Variants in CSMD1 observed in about 807,000 individuals in gnomAD.
CSMD1 encodes CUB and sushi domain-containing protein 1.
In CSMD1, 213 loss-of-function variants were observed where a neutral mutation model predicts 417.5. The observed-to-expected ratio is 0.51, with a 90% CI of 0.46 to 0.57. The LOEUF (loss-of-function observed/expected upper bound fraction) is 0.57, where lower values mean the gene tolerates loss of function less well. Ranked by LOEUF, CSMD1 falls within the 20% of genes least tolerant of loss-of-function variation. The pLI is 0.00. For missense variants in CSMD1, 6,923 were observed against 4,529.7 expected, an observed-to-expected ratio of 1.53 and a Z score of -15.17; for synonymous variants, 2,862 against 1,736.8, an observed-to-expected ratio of 1.65 and a Z score of -16.11.
chr8:3,416,302 C>CAAAA (rs11358404), intron 12 of CSMD1, among the ~76,000 whole-genome samples: 29 of 58,890 alleles, frequency 4.9e-4, no homozygotes, highest in South Asian at 2.6e-3. Context: ...GACTCCGTCT[C>CAAAA]AAAAAAAAAA....
chr8:3,631,450 A>G (rs960783969), intron 7 of CSMD1, among the ~76,000 whole-genome samples: 2 of 152,234 alleles, frequency 1.3e-5, no homozygotes, highest in African/African-American at 4.8e-5. Flanking sequence ...TTTGAGGTCA[A>G]GAATAGGCAG....
At chr8:4,095,727 T>C (rs1480549220) in intron 3 of CSMD1, among the ~76,000 whole-genome samples, 1 of 152,222 alleles carries the variant, frequency 6.6e-6, no homozygotes, top group East Asian at 1.9e-4. Flanking sequence ...TTCAATTTGT[T>C]CAAGTCACGT....
chr8:3,198,098 T>A (rs1202648293), intron 33 of CSMD1, among the ~76,000 whole-genome samples: 3 of 152,208 alleles, frequency 2.0e-5, no homozygotes, highest in Non-Finnish European at 4.4e-5. Flanking sequence ...ATCTTTGACA[T>A]TTTGATGAAA....
chr8:4,864,901 C>CAA (rs1802339283), intron 1 of CSMD1, among the ~76,000 whole-genome samples: 2 of 149,028 alleles, frequency 1.3e-5, no homozygotes, highest in South Asian at 2.1e-4. Context: ...CACACAAACA[C>CAA]ACACACACAC....
chr8:3,243,232 G>C (rs1799658825), intron 26 of CSMD1, among the ~76,000 whole-genome samples: 1 of 152,070 alleles, frequency 6.6e-6, no homozygotes, highest in African/African-American at 2.4e-5. Context: ...CGTGGTGGTA[G>C]GTGGATCTTT....
At chr8:4,770,779 A>G (rs2117143772) in intron 1 of CSMD1, among the ~76,000 whole-genome samples, 1 of 152,250 alleles carries the variant, frequency 6.6e-6, no homozygotes, top group South Asian at 2.1e-4. Flanking sequence ...ATGAAATTGG[A>G]CCCTTTATAC....
intron 50 of CSMD1, among the ~76,000 whole-genome samples, chr8:3,043,202 T>C (rs1319878499): frequency 6.6e-6 from 1 of 151,740 alleles, no homozygotes; most frequent in Non-Finnish European, 1.5e-5. Flanking sequence ...AGCGATAGGT[T>C]TCTATGACCT....
At chr8:3,256,115 G>T (rs1054990536) in intron 26 of CSMD1, among the ~76,000 whole-genome samples, 1 of 151,928 alleles carries the variant, frequency 6.6e-6, no homozygotes, top group Non-Finnish European at 1.5e-5. Context: ...ATCACCTGAG[G>T]TCAGGAGTTC....
chr8:4,018,078 A>G (rs1418160250), intron 4 of CSMD1, among the ~76,000 whole-genome samples: 1 of 152,328 alleles, frequency 6.6e-6, no homozygotes, highest in South Asian at 2.1e-4. Context: ...TGCAAAAATA[A>G]GCTGGTTATT....
intron 4 of CSMD1, among the ~76,000 whole-genome samples, chr8:4,007,400 T>G (rs548384333): frequency 1.3e-5 from 2 of 152,320 alleles, no homozygotes; most frequent in African/African-American, 2.4e-5. Context: ...GGCACCTATG[T>G]TCCTGCCCTA....
chr8:4,926,413 CG>C (rs1159765823), intron 1 of CSMD1, among the ~76,000 whole-genome samples: 1 of 152,080 alleles, frequency 6.6e-6, no homozygotes, highest in African/African-American at 2.4e-5. Flanking sequence ...CGCATGTGGC[CG>C]TGTAATTCTC....
intron 5 of CSMD1, among the ~76,000 whole-genome samples, chr8:3,783,236 G>T (rs1413015435): frequency 6.6e-6 from 1 of 152,196 alleles, no homozygotes; most frequent in Non-Finnish European, 1.5e-5. Flanking sequence ...TGGTCAGGCC[G>T]ATACTGTGTA....
intron 1 of CSMD1, among the ~76,000 whole-genome samples, chr8:4,809,319 T>C (rs186300987): frequency 2.0e-5 from 3 of 152,356 alleles, no homozygotes; most frequent in African/African-American, 7.2e-5. Context: ...TATACATCTA[T>C]AGCAAGAGTT....
At chr8:4,218,880 G>A (rs1208793716) in intron 3 of CSMD1, among the ~76,000 whole-genome samples, 1 of 152,056 alleles carries the variant, frequency 6.6e-6, no homozygotes, top group Non-Finnish European at 1.5e-5. Flanking sequence ...TATTTTCATA[G>A]CAAAAATCAA....
At chr8:3,797,107 A>AAGT (rs1800195141) in intron 5 of CSMD1, among the ~76,000 whole-genome samples, 1 of 151,946 alleles carries the variant, frequency 6.6e-6, no homozygotes, top group Non-Finnish European at 1.5e-5. Context: ...GAACATTTAA[A>AAGT]ACATAAGTAA....
intron 49 of CSMD1, among the ~76,000 whole-genome samples, chr8:3,068,256 T>C (rs114274922): frequency 1.2e-3 from 185 of 152,292 alleles, no homozygotes; most frequent in African/African-American, 4.2e-3. Flanking sequence ...CTTTTTTCTT[T>C]TTTCTTTTTG....
intron 35 of CSMD1, among the ~76,000 whole-genome samples, chr8:3,188,399 C>T (rs1184993277): frequency 4.0e-5 from 6 of 149,864 alleles, no homozygotes; most frequent in Non-Finnish European, 8.9e-5. Flanking sequence ...CTCCGCCTCC[C>T]AGGTTCAAGC....
intron 1 of CSMD1, among the ~76,000 whole-genome samples, chr8:4,981,473 CAATT>C (rs1462192328): frequency 2.0e-5 from 3 of 152,218 alleles, no homozygotes; most frequent in Non-Finnish European, 1.5e-5. Context: ...CTGATATCAT[CAATT>C]AGAGTTTCAC....
chr8:3,853,293 C>A (rs1282633491), intron 5 of CSMD1, among the ~76,000 whole-genome samples: 2 of 152,156 alleles, frequency 1.3e-5, no homozygotes, highest in Non-Finnish European at 2.9e-5. Flanking sequence ...GATCTTCATA[C>A]CCTGATCAAT....
Sources: gnomAD v4.1 joint callset for allele counts (sites outside exome capture counted in the v4.1 genomes callset) on GRCh38, gnomAD v4.1.1 for gene constraint, MANE v1.5 for transcripts, NCBI Gene and HGNC (gene_info 2026-07-23, HGNC 2026-07-21) for gene names.